Variants in AQR observed in about 807,000 individuals in gnomAD.
AQR encodes the protein RNA helicase aquarius.
AQR carries 61 observed loss-of-function variants against 180.5 expected under a neutral mutation model. That is an observed-to-expected ratio of 0.34 (90% CI 0.28 to 0.42). AQR has a LOEUF of 0.42. Among genes scored for constraint, AQR ranks in the 10% least tolerant of loss-of-function variants. The pLI is 1.00. For synonymous variants in AQR, 551 were observed against 588.8 expected, an observed-to-expected ratio of 0.94 and a Z score of 0.93; for missense variants, 1,281 against 1,798.3, an observed-to-expected ratio of 0.71 and a Z score of 5.20.
In AQR at chr15:34,874,461, C is replaced by T. The variant is rs1595782867; in HGVS notation, c.3425+216G>A. 1.4e-5 allele frequency: 7 copies of T among 514,784 alleles called. No individual in the cohort carries two copies. In the South Asian group the frequency reaches 2.1e-4, roughly 15 times the overall value. The allele number at this position is 514,784 out of a possible 1,614,324, so 31.9% of individuals were successfully genotyped here. ...AAAGAAGCCTTTAGATTATAAGTTACTTAAATTAATATTAATGAATGAAAT... is the reference window on the plus strand; with the variant it reads ...AAAGAAGCCTTTAGATTATAAGTTATTTAAATTAATATTAATGAATGAAAT... On this transcript the variant is annotated intron_variant, in intron 29 of 34. Coordinates refer to ENST00000156471, the MANE Select transcript of AQR (RefSeq NM_014691.3).
In AQR at chr15:34,939,784, C is replaced by T. The variant is rs112295816; in HGVS notation, c.642-971G>A. Among the ~76,000 whole-genome samples, 1,117 of 152,260 alleles carry T rather than the reference C, an allele frequency of 7.3e-3. 12 individuals are homozygous for T. Among genetic ancestry groups the T allele is most frequent in the African/African-American group, 0.025 (1,047 of 41,546 alleles). ...AAAACTGCCTGACATTAATTAAGCA[C>T]GCATTTTGCCAGGATCTGAGCTATG... On this transcript the variant is annotated intron_variant, in intron 8 of 34. Transcript: ENST00000156471.
At chr15:34,866,390 T>C (rs758266017) in intron 32 of AQR, among the ~76,000 whole-genome samples, 6 of 152,196 alleles carry the variant, frequency 3.9e-5, no homozygotes, top group Non-Finnish European at 7.4e-5. Flanking sequence ...GTATTTTTGC[T>C]AAAAAATTTT....
At chr15:34,886,948 C>T (rs973721655) in intron 24 of AQR, among the ~76,000 whole-genome samples, 1 of 151,636 alleles carries the variant, frequency 6.6e-6, no homozygotes, top group Non-Finnish European at 1.5e-5. Flanking sequence ...CATGGTGAAA[C>T]CCTGTCTCTA....
chr15:34,895,267 C>T (rs371399374), intron 22 of AQR, among the ~76,000 whole-genome samples: 39 of 113,534 alleles, frequency 3.4e-4, no homozygotes, highest in Middle Eastern at 5.6e-3. Context: ...AATAACACAA[C>T]GGAAGGCATG....
intron 6 of AQR, 91 bp from the exon 7 acceptor site, chr15:34,942,171 T>A: frequency 2.4e-6 from 2 of 829,352 alleles, no homozygotes; most frequent in South Asian, 4.8e-5. Flanking sequence ...TTTTAAGTCC[T>A]GGAGGGAAAA....
rs1466279782 is a variant in AQR at position 34,906,600 on chromosome 15, G to A, written c.1776C>T (p.Val592=). 5 of 1,613,952 alleles carry A rather than the reference G, an allele frequency of 3.1e-6. No individual in the cohort carries two copies. In the African/African-American group the frequency reaches 4.0e-5, roughly 13 times the overall value. The part of the protein sequence containing the change: ...PFIEQVGLVY[V]RGCEIQGMLD... ...GCATGCCCTGAATTTCACAGCCTCT[G>A]ACATAAACCAGGCCAACCTGCTCAA... Residue 592 remains valine (V), a synonymous_variant, in exon 18 of 35, where the codon GTC becomes GTT. Coordinates refer to ENST00000156471, the MANE Select transcript of AQR (RefSeq NM_014691.3).
intron 1 of AQR, among the ~76,000 whole-genome samples, chr15:34,965,811 T>A (rs937827489): frequency 6.6e-6 from 1 of 152,198 alleles, no homozygotes; most frequent in Non-Finnish European, 1.5e-5. Flanking sequence ...AATTCAGTCA[T>A]CTTCTTCTTA....
At chr15:34,947,528 T>A (rs1303075454) in intron 5 of AQR, among the ~76,000 whole-genome samples, 42 of 145,726 alleles carry the variant, frequency 2.9e-4, no homozygotes, top group Non-Finnish European at 5.1e-4. Flanking sequence ...ATAATAATAA[T>A]AATAATAATA....
chr15:34,856,386 G>A lies in AQR; in HGVS notation c.*406C>T. On this transcript the variant is annotated 3_prime_UTR_variant, in exon 35 of 35. Coordinates refer to ENST00000156471, the MANE Select transcript of AQR (RefSeq NM_014691.3). ...GGAAACAGAATTTAAGCATTTGATA[G>A]TATAACAGAAGAAACAAGTTCCTTC... 2.5e-6 allele frequency: 1 copy of A among 396,552 alleles called. No individual in the cohort carries two copies. The highest frequency in any genetic ancestry group is 4.4e-6 in the Non-Finnish European group (1 of 225,384). 24.6% of individuals were successfully genotyped at this position (396,552 alleles called of 1,614,324 possible).
In AQR at chr15:34,945,279, C is replaced by A. The variant is rs574448127; in HGVS notation, c.331-851G>T. On this transcript the variant is annotated intron_variant, in intron 5 of 34. Transcript: ENST00000156471. ...AAACTGAATATGTCCAAATTCAATT[C>A]AACAGTTTTGTATCCTCCAAATTAT... is the stretch of plus-strand genomic sequence containing the variant. Among the ~76,000 whole-genome samples the A allele has an allele frequency of 1.1e-4, 16 of 152,270 alleles. No homozygotes were observed. The South Asian group carries it at 1.5e-3, about 14-fold the overall frequency.
chr15:34,863,646 A>G (rs1213527067), intron 32 of AQR, among the ~76,000 whole-genome samples: 1 of 152,148 alleles, frequency 6.6e-6, no homozygotes, highest in African/African-American at 2.4e-5. Flanking sequence ...CCTGGCCTAT[A>G]ATAGGTACTC....
At chr15:34,898,777 A>G (rs1021181282) in intron 20 of AQR, among the ~76,000 whole-genome samples, 2 of 145,920 alleles carry the variant, frequency 1.4e-5, no homozygotes, top group Non-Finnish European at 3.0e-5. Context: ...CCAGCTACTC[A>G]GGAGGCTGAG....
intron 2 of AQR, among the ~76,000 whole-genome samples, chr15:34,962,413 T>TG (rs2050284951): frequency 6.6e-6 from 1 of 152,220 alleles, no homozygotes; most frequent in African/African-American, 2.4e-5. Flanking sequence ...CAAGTCTTGT[T>TG]CAATCTAGAT....
At chr15:34,882,872 A>ATAAAC (rs1364373796) in intron 26 of AQR, among the ~76,000 whole-genome samples, 3 of 152,216 alleles carry the variant, frequency 2.0e-5, no homozygotes, top group African/African-American at 7.2e-5. Flanking sequence ...TATGTACTAT[A>ATAAAC]TAAACAAGAA....
intron 26 of AQR, among the ~76,000 whole-genome samples, chr15:34,883,699 G>A (rs1893010259): frequency 6.6e-6 from 1 of 152,166 alleles, no homozygotes; most frequent in Admixed American, 6.5e-5. Flanking sequence ...TTACTGAGGA[G>A]TCTGAGCCTG....
intron 4 of AQR, among the ~76,000 whole-genome samples, chr15:34,951,315 ATT>A (rs1225275843): frequency 2.0e-5 from 3 of 152,144 alleles, no homozygotes; most frequent in Admixed American, 6.6e-5. Flanking sequence ...GGAAAATGAT[ATT>A]GTCACATAAA....
chr15:34,882,474 A>G (rs1440912603), intron 27 of AQR, 28 bp downstream of exon 27: 4 of 1,447,954 alleles, frequency 2.8e-6, no homozygotes, highest in African/African-American at 2.9e-5. Context: ...TTAAAAAAAA[A>G]AAAAAAAAAA....
At position 34,897,621 on chromosome 15, in the gene AQR, G is replaced by C. The variant is rs752685356; in HGVS notation, c.2328C>G (p.Thr776=). The change falls in exon 21 of 35, where the codon ACC becomes ACG. Residue 776 remains threonine, a synonymous_variant. Coordinates refer to ENST00000156471, the MANE Select transcript of AQR (RefSeq NM_014691.3). ...GAATAACATGGGGCTCAACAATTAA[G>C]GTTTTTGCTTCCTCGGTGTCTTCAT... The part of the protein sequence containing the change: ...VEDEDTEEAK[T]LIVEPHVIPN... 4.3e-6 allele frequency: 7 copies of C among 1,613,920 alleles called. No individual in the cohort carries two copies. In the Admixed American group the frequency reaches 1.0e-4, roughly 23 times the overall value.
chr15:34,873,690 C>G lies in AQR; in HGVS notation c.3597+138G>C, dbSNP rs372820844. 3.7e-5 allele frequency: 22 copies of G among 601,656 alleles called. 2 individuals carry two copies. Among genetic ancestry groups the G allele is most frequent in the East Asian group, 8.8e-5 (3 of 34,224 alleles). The allele number at this position is 601,656 out of a possible 1,614,324, so 37.3% of individuals were successfully genotyped here. ...CATGTATTTTTAATCAATCTGAAAT[C>G]GATTTTTCATATGCTATGTGTAAGG... On this transcript the variant is annotated intron_variant, in intron 30 of 34. Transcript: ENST00000156471.
Sources: gnomAD v4.1 joint callset for allele counts (sites outside exome capture counted in the v4.1 genomes callset) on GRCh38, gnomAD v4.1.1 for gene constraint, MANE v1.5 for transcripts, NCBI Gene and HGNC (gene_info 2026-07-23, HGNC 2026-07-21) for gene names.